Variants in TMEM163 observed in about 807,000 individuals in gnomAD.
The protein encoded by TMEM163 is transmembrane protein 163.
Under a neutral mutation model 29.3 loss-of-function variants are expected in TMEM163, and 17 were observed. The ratio of observed to expected loss-of-function variants is 0.58; its 90% confidence interval spans 0.40 to 0.87. The LOEUF is 0.87. Ranked by LOEUF, TMEM163 falls within the 40% of genes least tolerant of loss-of-function variation. TMEM163 has a pLI of 0.00. For synonymous variants in TMEM163, 157 were observed against 160.6 expected (o/e 0.98, Z 0.17); for missense variants, 303 against 381.5 (o/e 0.79, Z 1.71).
At chr2:134,696,311 A>G (rs1468010774) in intron 2 of TMEM163, among the ~76,000 whole-genome samples, 1 of 152,180 alleles carries the variant, frequency 6.6e-6, no homozygotes, top group Non-Finnish European at 1.5e-5. Context: ...AAATATCACA[A>G]TCTCAACTGC....
At position 134,592,545 on chromosome 2, in the gene TMEM163, T is replaced by A. The variant is rs185687442; in HGVS notation, c.323-40454A>T. ...AGTGTTAGGATCTCTATTTTAATGTTAATGCTGGTCAGCTATGCCTAAGCT... is the reference window on the plus strand; with the variant it reads ...AGTGTTAGGATCTCTATTTTAATGTAAATGCTGGTCAGCTATGCCTAAGCT... On this transcript the variant is annotated intron_variant, in intron 2 of 7. Coordinates refer to ENST00000281924, the MANE Select transcript of TMEM163 (RefSeq NM_030923.5). 2.0e-3 allele frequency among the ~76,000 whole-genome samples: 304 copies of A among 152,308 alleles called. 10 individuals carry two copies. Among genetic ancestry groups the A allele is most frequent in the Admixed American group, 0.019 (287 of 15,288 alleles).
intron 2 of TMEM163, among the ~76,000 whole-genome samples, chr2:134,636,251 A>G (rs957690913): frequency 1.3e-5 from 2 of 152,250 alleles, no homozygotes; most frequent in Non-Finnish European, 2.9e-5. Flanking sequence ...GACCAGGTAC[A>G]GGCACCAAAT....
chr2:134,606,861 T>A (rs1279713188), intron 2 of TMEM163, among the ~76,000 whole-genome samples: 1 of 152,180 alleles, frequency 6.6e-6, no homozygotes, highest in Admixed American at 6.5e-5. Context: ...AAAAGCAGTT[T>A]CAATAAAACA....
intron 2 of TMEM163, among the ~76,000 whole-genome samples, chr2:134,660,694 T>TG (rs1333321100): frequency 6.6e-6 from 1 of 152,144 alleles, no homozygotes; most frequent in African/African-American, 2.4e-5. Flanking sequence ...AGTCAGTCCA[T>TG]GGCAGAGAGA....
chr2:134,689,368 G>A (rs1308466343), intron 2 of TMEM163, among the ~76,000 whole-genome samples: 1 of 151,938 alleles, frequency 6.6e-6, no homozygotes, highest in African/African-American at 2.4e-5. Flanking sequence ...TCGGCCTCCC[G>A]AACTGCTGGG....
chr2:134,674,501 G>GCC (rs1282836561), intron 2 of TMEM163, among the ~76,000 whole-genome samples: 9 of 87,300 alleles, frequency 1.0e-4, no homozygotes, highest in African/African-American at 5.3e-4. Context: ...GCGCGCGCGC[G>GCC]CGCGCGCGCT....
chr2:134,474,801 T>G (rs910489533), intron 5 of TMEM163, among the ~76,000 whole-genome samples: 3 of 152,280 alleles, frequency 2.0e-5, no homozygotes, highest in African/African-American at 4.8e-5. Context: ...AAATTTTACA[T>G]GTAAGACCTG....
At chr2:134,488,421 C>T (rs566967919) in intron 5 of TMEM163, among the ~76,000 whole-genome samples, 19 of 152,316 alleles carry the variant, frequency 1.2e-4, no homozygotes, top group African/African-American at 3.8e-4. Flanking sequence ...ATCTTTCTCC[C>T]GTGCTGGGTG....
At chr2:134,542,941 T>TCTCTG (rs1395666755) in intron 4 of TMEM163, among the ~76,000 whole-genome samples, 1 of 152,184 alleles carries the variant, frequency 6.6e-6, no homozygotes, top group Non-Finnish European at 1.5e-5. Context: ...TCTGATTGTG[T>TCTCTG]CTCTGCTTTC....
intron 2 of TMEM163, among the ~76,000 whole-genome samples, chr2:134,568,652 AAAAG>A (rs955625718): frequency 1.5e-4 from 23 of 151,880 alleles, no homozygotes; most frequent in South Asian, 4.2e-4. Flanking sequence ...AAAAGGAGAA[AAAAG>A]AAGGAAGGAA....
chr2:134,556,382 A>T (rs1681049878), intron 2 of TMEM163, among the ~76,000 whole-genome samples: 1 of 152,248 alleles, frequency 6.6e-6, no homozygotes, highest in Admixed American at 6.5e-5. Context: ...AAACACTTTA[A>T]GTACAAAAGG....
At chr2:134,564,717 G>T (rs1400803741) in intron 2 of TMEM163, among the ~76,000 whole-genome samples, 1 of 152,108 alleles carries the variant, frequency 6.6e-6, no homozygotes, top group African/African-American at 2.4e-5. Context: ...CATGAAAGAT[G>T]ATACACAAAT....
chr2:134,593,438 G>C (rs973858244), intron 2 of TMEM163, among the ~76,000 whole-genome samples: 1 of 152,050 alleles, frequency 6.6e-6, no homozygotes, highest in Non-Finnish European at 1.5e-5. Context: ...CTCTCCCTCT[G>C]CCATTAACAT....
chr2:134,718,213 C>T (rs1685077692), intron 1 of TMEM163, among the ~76,000 whole-genome samples: 1 of 152,244 alleles, frequency 6.6e-6, no homozygotes, highest in South Asian at 2.1e-4. Context: ...AGTCCCGGCT[C>T]GCTCCCCTCC....
At chr2:134,638,057 CTGTT>C (rs1349673647) in intron 2 of TMEM163, among the ~76,000 whole-genome samples, 5 of 152,172 alleles carry the variant, frequency 3.3e-5, no homozygotes, top group Non-Finnish European at 7.4e-5. Flanking sequence ...AATATTCATC[CTGTT>C]TGTTTAACAC....
intron 2 of TMEM163, among the ~76,000 whole-genome samples, chr2:134,639,641 T>C (rs1274759470): frequency 6.6e-6 from 1 of 152,210 alleles, no homozygotes; most frequent in Non-Finnish European, 1.5e-5. Context: ...AGGACCCTTT[T>C]GTCTAGTTAT....
intron 2 of TMEM163, 110 bp from the exon 3 acceptor site, chr2:134,552,201 C>T (rs930435001): frequency 1.5e-5 from 12 of 786,484 alleles, no homozygotes; most frequent in South Asian, 7.7e-5. Context: ...TCCAAGAGAA[C>T]AAAACCAAAA....
Position 134,556,816 on chromosome 2 carries a change from G to A in TMEM163, c.323-4725C>T, listed in dbSNP as rs561406233. Among the ~76,000 whole-genome samples the A allele has an allele frequency of 1.5e-3, 234 of 152,252 alleles. 3 individuals carry two copies. The highest frequency in any genetic ancestry group is 5.4e-3 in the African/African-American group (224 of 41,542). ...AGCCTAGGCAACAGAGGGAGATCCT[G>A]TCTCAAAATATTTTTTAGAAAAATT... On this transcript the variant is annotated intron_variant, in intron 2 of 7. Transcript: ENST00000281924.
rs917073484 is a variant in TMEM163 at position 134,656,366 on chromosome 2, C to T, written c.322+56834G>A. On this transcript the variant is annotated intron_variant, in intron 2 of 7. Coordinates refer to ENST00000281924, the MANE Select transcript of TMEM163 (RefSeq NM_030923.5). ...TCGGAAAGGGAACTCCCTGACCCCT[C>T]GCGCTTCCCAGGTGAGGCAATGCCT... 3.3e-5 allele frequency among the ~76,000 whole-genome samples: 5 copies of T among 151,788 alleles called. No homozygotes were observed. The East Asian group carries it at 5.8e-4, about 18-fold the overall frequency.
Sources: gnomAD v4.1 joint callset for allele counts (sites outside exome capture counted in the v4.1 genomes callset) on GRCh38, gnomAD v4.1.1 for gene constraint, MANE v1.5 for transcripts, NCBI Gene and HGNC (gene_info 2026-07-23, HGNC 2026-07-21) for gene names.